RFX4: variants seen among roughly 807,000 people sequenced by gnomAD.
RFX4 encodes transcription factor RFX4.
A neutral mutation model predicts 95.0 loss-of-function variants in RFX4; 10 were observed. That is an observed-to-expected ratio of 0.11 (90% CI 0.06 to 0.18). The LOEUF is 0.18. Ranked by LOEUF, RFX4 falls within the 10% of genes least tolerant of loss-of-function variation. The pLI, the probability that RFX4 is intolerant of heterozygous loss-of-function variation, is 1.00. For synonymous variants in RFX4, 321 were observed against 340.7 expected, an observed-to-expected ratio of 0.94 and a Z score of 0.64; for missense variants, 640 against 922.0, an observed-to-expected ratio of 0.69 and a Z score of 3.96.
intron 2 of RFX4, among the ~76,000 whole-genome samples, chr12:106,628,134 T>C (rs1219743317): frequency 1.3e-5 from 2 of 152,114 alleles, no homozygotes; most frequent in African/African-American, 4.8e-5. Context: ...ATGCCCACAG[T>C]GTCATCAAGG....
chr12:106,734,713 A>G (rs1409952124), intron 15 of RFX4, among the ~76,000 whole-genome samples: 2 of 152,176 alleles, frequency 1.3e-5, no homozygotes, highest in Admixed American at 1.3e-4. Flanking sequence ...GAGAGTCTAT[A>G]TCCAAAGGAA....
chr12:106,604,118 T>C (rs1221551198), intron 1 of RFX4, among the ~76,000 whole-genome samples: 3 of 144,300 alleles, frequency 2.1e-5, no homozygotes, highest in African/African-American at 7.8e-5. Flanking sequence ...TCTCTCTCTT[T>C]TTTTTTTTTT....
chr12:106,659,448 T>C (rs1030807825), intron 4 of RFX4, among the ~76,000 whole-genome samples: 4 of 152,164 alleles, frequency 2.6e-5, no homozygotes, highest in South Asian at 4.1e-4. Context: ...CATACGGTAA[T>C]AGGGATCACA....
intron 13 of RFX4, among the ~76,000 whole-genome samples, chr12:106,728,962 G>A (rs899853367): frequency 5.3e-5 from 8 of 152,288 alleles, no homozygotes; most frequent in Non-Finnish European, 1.0e-4. Context: ...TAGCTGATCA[G>A]AGGCATTAAT....
intron 3 of RFX4, among the ~76,000 whole-genome samples, chr12:106,641,142 A>G (rs2040614884): frequency 6.6e-6 from 1 of 152,214 alleles, no homozygotes; most frequent in Admixed American, 6.5e-5. Flanking sequence ...AAAATTTGAA[A>G]GGAACTAGAA....
At chr12:106,707,235 G>C (rs534610266) in intron 8 of RFX4, among the ~76,000 whole-genome samples, 1 of 152,130 alleles carries the variant, frequency 6.6e-6, no homozygotes, top group African/African-American at 2.4e-5. Context: ...TACTGAAATA[G>C]AGGACACAAG....
intron 7 of RFX4, among the ~76,000 whole-genome samples, chr12:106,695,689 A>G (rs1458838050): frequency 1.3e-5 from 2 of 152,174 alleles, no homozygotes; most frequent in East Asian, 3.8e-4. Context: ...CATCCCATAT[A>G]GCACCCACTG....
chr12:106,755,645 C>T (rs537412236), intron 17 of RFX4, among the ~76,000 whole-genome samples: 6 of 152,290 alleles, frequency 3.9e-5, no homozygotes, highest in African/African-American at 4.8e-5. Context: ...TTATTTCTTA[C>T]GTTTATTGGT....
intron 2 of RFX4, among the ~76,000 whole-genome samples, chr12:106,638,301 C>T (rs1444254180): frequency 3.3e-5 from 5 of 152,186 alleles, no homozygotes; most frequent in Non-Finnish European, 5.9e-5. Flanking sequence ...AGCCACTGTG[C>T]CTGGCCTTAC....
At chr12:106,609,854 T>C (rs1316107227) in intron 2 of RFX4, among the ~76,000 whole-genome samples, 2 of 152,176 alleles carry the variant, frequency 1.3e-5, no homozygotes, top group Non-Finnish European at 2.9e-5. Flanking sequence ...TGTCAATCAC[T>C]ACTGTCCTGA....
intron 8 of RFX4, among the ~76,000 whole-genome samples, chr12:106,703,982 C>CTTGAATCCA (rs2042036359): frequency 7.0e-6 from 1 of 143,292 alleles, no homozygotes; most frequent in Non-Finnish European, 1.5e-5. Context: ...ACAAGAATCA[C>CTTGAATCCA]TTGAATCCAG....
chr12:106,745,791 G>A (rs1426152163), intron 15 of RFX4, among the ~76,000 whole-genome samples: 2 of 152,074 alleles, frequency 1.3e-5, no homozygotes, highest in Non-Finnish European at 2.9e-5. Context: ...TGTACCTAAA[G>A]GGGGATGTTG....
At chr12:106,601,342 C>A in intron 1 of RFX4, 1 of 1,581,474 alleles carries the variant, frequency 6.3e-7, no homozygotes, top group Non-Finnish European at 8.6e-7. Context: ...GGCGCCGTTC[C>A]ACTGGTAATG....
intron 8 of RFX4, among the ~76,000 whole-genome samples, chr12:106,705,771 G>A (rs552737337): frequency 6.6e-6 from 1 of 152,190 alleles, no homozygotes; most frequent in South Asian, 2.1e-4. Context: ...GGGACAGTTT[G>A]GACAAGACCC....
intron 17 of RFX4, among the ~76,000 whole-genome samples, chr12:106,756,429 G>A (rs1271126971): frequency 6.6e-6 from 1 of 152,170 alleles, no homozygotes; most frequent in Admixed American, 6.5e-5. Flanking sequence ...CTGAAAGGCA[G>A]AGGCCCAGCC....
intron 1 of RFX4, 82 bp downstream of exon 1, chr12:106,583,445 A>G (rs1226524224): frequency 2.4e-5 from 33 of 1,402,488 alleles, no homozygotes; most frequent in Non-Finnish European, 3.0e-5. Context: ...GAAGTTGGGA[A>G]AAGTTCAGAC....
rs1182288886 is a variant in RFX4, at chr12:106,715,506, A to C, written c.1100A>C (p.Glu367Ala). ...SITKQTLYTM[E>A]DSRDEHRKLI... ...ACCAAGCAAACCCTTTACACCATGGAAGACTCTCGCGATGAGCACCGGAAA... is the reference window on the plus strand; with the variant it reads ...ACCAAGCAAACCCTTTACACCATGGCAGACTCTCGCGATGAGCACCGGAAA... The change falls in exon 11 of 18, where the codon GAA becomes GCA. Residue 367 changes from glutamate (E) to alanine (A), a missense_variant. Glu to Ala is a moderately radical substitution (Grantham distance 107). This residue lies in a region of RFX4 where 72 missense variants were observed against 80.5 expected (regional missense o/e 0.89). Transcript: ENST00000392842. The C allele has an allele frequency of 6.2e-7, 1 of 1,614,174 alleles. No individual in the cohort carries two copies. Among genetic ancestry groups the C allele is most frequent in the Non-Finnish European group, 8.5e-7 (1 of 1,180,006 alleles).
intron 9 of RFX4, among the ~76,000 whole-genome samples, chr12:106,710,158 GT>G (rs935432625): frequency 4.6e-5 from 7 of 152,236 alleles, no homozygotes; most frequent in African/African-American, 1.7e-4. Context: ...GCAAAACAAA[GT>G]TTTAAAATAT....
chr12:106,629,847 G>A (rs2040381644), intron 2 of RFX4, among the ~76,000 whole-genome samples: 2 of 152,148 alleles, frequency 1.3e-5, no homozygotes, highest in Non-Finnish European at 2.9e-5. Flanking sequence ...CTCCCAAAGT[G>A]TTGGGATTAT....
Sources: gnomAD v4.1 joint callset for allele counts (sites outside exome capture counted in the v4.1 genomes callset) on GRCh38, gnomAD v4.1.1 for gene constraint, gnomAD v4.1.1 regional missense constraint, MANE v1.5 for transcripts, NCBI Gene and HGNC (gene_info 2026-07-23, HGNC 2026-07-21) for gene names.